LHFPL6: variants seen among roughly 807,000 people sequenced by gnomAD.
The protein encoded by LHFPL6 is LHFPL tetraspan subfamily member 6 protein.
LHFPL6 carries 9 observed loss-of-function variants against 20.6 expected under a neutral mutation model. The observed-to-expected ratio is 0.44, with a 90% CI of 0.26 to 0.76. The LOEUF is 0.76. Ranked by LOEUF, LHFPL6 falls within the 30% of genes least tolerant of loss-of-function variation. The probability of loss-of-function intolerance (pLI) is 0.20; values close to 1 mark genes in which losing one functional copy is unlikely to be tolerated. For synonymous variants in LHFPL6, 105 were observed against 98.7 expected (o/e 1.06, Z -0.38); for missense variants, 218 against 253.5 (o/e 0.86, Z 0.95).
chr13:39,535,374 A>C (rs1048077214), intron 2 of LHFPL6, among the ~76,000 whole-genome samples: 1 of 152,230 alleles, frequency 6.6e-6, no homozygotes, highest in Non-Finnish European at 1.5e-5. Context: ...AACACAGCAG[A>C]GTGGCTGGGT....
At chr13:39,567,726 T>C (rs939781561) in intron 2 of LHFPL6, among the ~76,000 whole-genome samples, 2 of 152,258 alleles carry the variant, frequency 1.3e-5, no homozygotes, top group Non-Finnish European at 2.9e-5. Flanking sequence ...GGGCATAGTT[T>C]CCTACTCTTT....
At chr13:39,503,924 A>T (rs1869381639) in intron 2 of LHFPL6, among the ~76,000 whole-genome samples, 1 of 152,210 alleles carries the variant, frequency 6.6e-6, no homozygotes. Flanking sequence ...GAAGAGTCTA[A>T]CAATTAAACA....
chr13:39,513,294 T>G (rs1869788495), intron 2 of LHFPL6, among the ~76,000 whole-genome samples: 1 of 152,214 alleles, frequency 6.6e-6, no homozygotes, highest in African/African-American at 2.4e-5. Context: ...TTACATGGGA[T>G]TCTGACCTAA....
intron 3 of LHFPL6, among the ~76,000 whole-genome samples, chr13:39,359,480 A>AT (rs1184208466): frequency 6.6e-6 from 1 of 152,124 alleles, no homozygotes; most frequent in Non-Finnish European, 1.5e-5. Flanking sequence ...CTACATGGCC[A>AT]TAAAAAAAAT....
intron 2 of LHFPL6, among the ~76,000 whole-genome samples, chr13:39,400,258 T>G (rs1383463821): frequency 6.6e-6 from 1 of 152,190 alleles, no homozygotes; most frequent in Non-Finnish European, 1.5e-5. Context: ...CTGTTGATAC[T>G]AACTTGGAAA....
At chr13:39,487,800 C>G (rs1868776100) in intron 2 of LHFPL6, among the ~76,000 whole-genome samples, 1 of 152,118 alleles carries the variant, frequency 6.6e-6, no homozygotes, top group Non-Finnish European at 1.5e-5. Flanking sequence ...AATCCCAGCA[C>G]TTTGGGAGGC....
intron 2 of LHFPL6, among the ~76,000 whole-genome samples, chr13:39,407,799 TTTC>T (rs1871150460): frequency 6.6e-6 from 1 of 152,262 alleles, no homozygotes; most frequent in East Asian, 1.9e-4. Flanking sequence ...TGTCAACTTT[TTTC>T]TTCAAGAACC....
At chr13:39,521,871 G>C (rs976258045) in intron 2 of LHFPL6, among the ~76,000 whole-genome samples, 8 of 152,100 alleles carry the variant, frequency 5.3e-5, no homozygotes, top group African/African-American at 1.9e-4. Context: ...AGCAAAAAGA[G>C]AGCTTGTGAC....
intron 2 of LHFPL6, among the ~76,000 whole-genome samples, chr13:39,599,951 A>G (rs1872881059): frequency 6.6e-6 from 1 of 152,232 alleles, no homozygotes; most frequent in Non-Finnish European, 1.5e-5. Context: ...TTCACTCTGC[A>G]CTATCTATGG....
chr13:39,538,850 T>G (rs987044019), intron 2 of LHFPL6, among the ~76,000 whole-genome samples: 1 of 152,256 alleles, frequency 6.6e-6, no homozygotes, highest in African/African-American at 2.4e-5. Flanking sequence ...CAATTTACAC[T>G]AAAATATCTT....
In LHFPL6 at chr13:39,343,895, T is replaced by G. The variant is rs200586803; in HGVS notation, c.*41A>C. On this transcript the variant is annotated 3_prime_UTR_variant, in exon 4 of 4. Coordinates refer to ENST00000379589, the MANE Select transcript of LHFPL6 (RefSeq NM_005780.3). The stretch of plus-strand genomic sequence containing the variant: ...GATGTTTTGACCTCTCCAAGCCCCT[T>G]TGGCCCATCTTCTCCTCTGTCTGCT... 6.6e-7 allele frequency: 1 copy of G among 1,525,730 alleles called. No individual in the cohort carries two copies. The highest frequency in any genetic ancestry group is 9.1e-7 in the Non-Finnish European group (1 of 1,101,864). 94.5% of individuals were successfully genotyped at this position (1,525,730 alleles called of 1,614,324 possible).
chr13:39,457,610 TG>T (rs1163585753), intron 2 of LHFPL6, among the ~76,000 whole-genome samples: 2 of 152,214 alleles, frequency 1.3e-5, no homozygotes, highest in Admixed American at 6.5e-5. Flanking sequence ...CATATGACTC[TG>T]CAATCTATTC....
At chr13:39,444,623 T>G (rs944716563) in intron 2 of LHFPL6, among the ~76,000 whole-genome samples, 2 of 152,126 alleles carry the variant, frequency 1.3e-5, no homozygotes, top group Non-Finnish European at 2.9e-5. Context: ...TGAGCTGAGG[T>G]GTGGCTTCAC....
intron 2 of LHFPL6, among the ~76,000 whole-genome samples, chr13:39,481,187 T>C (rs1367024416): frequency 1.3e-5 from 2 of 152,162 alleles, no homozygotes; most frequent in Admixed American, 1.3e-4. Context: ...ATGATGGTAA[T>C]TGAAAAAACA....
At chr13:39,427,079 C>G (rs966104200) in intron 2 of LHFPL6, among the ~76,000 whole-genome samples, 1 of 151,414 alleles carries the variant, frequency 6.6e-6, no homozygotes, top group Non-Finnish European at 1.5e-5. Context: ...AAAGCTTGCC[C>G]TATATGTGCT....
At chr13:39,564,373 TG>T (rs1871645349) in intron 2 of LHFPL6, among the ~76,000 whole-genome samples, 3 of 152,210 alleles carry the variant, frequency 2.0e-5, no homozygotes, top group African/African-American at 7.2e-5. Context: ...TAAATATGTA[TG>T]TGCTCTCTAT....
At position 39,547,806 on chromosome 13, in the gene LHFPL6, A is replaced by G. The variant is rs141329564; in HGVS notation, c.385+53026T>C. On this transcript the variant is annotated intron_variant, in intron 2 of 3. Transcript: ENST00000379589. ...TTTTCCTTATAATAATTTTCATAAT[A>G]TTGTAAGGAATGAAGTGTTATTCTG... Among the ~76,000 whole-genome samples, 457 of 152,154 alleles carry G rather than the reference A, an allele frequency of 3.0e-3. 3 individuals are homozygous for G. Among genetic ancestry groups the G allele is most frequent in the Admixed American group, 4.2e-3 (64 of 15,290 alleles).
At chr13:39,476,328 C>A (rs1454407573) in intron 2 of LHFPL6, among the ~76,000 whole-genome samples, 1 of 152,110 alleles carries the variant, frequency 6.6e-6, no homozygotes, top group Non-Finnish European at 1.5e-5. Context: ...CCGCGCCCAG[C>A]CTGAAAACAT....
chr13:39,506,724 G>C (rs534389882), intron 2 of LHFPL6, among the ~76,000 whole-genome samples: 4 of 152,100 alleles, frequency 2.6e-5, no homozygotes, highest in South Asian at 2.1e-4. Context: ...ATAGGGAGGT[G>C]GGGGGGAAGG....
Sources: gnomAD v4.1 joint callset for allele counts (sites outside exome capture counted in the v4.1 genomes callset) on GRCh38, gnomAD v4.1.1 for gene constraint, MANE v1.5 for transcripts, NCBI Gene and HGNC (gene_info 2026-07-23, HGNC 2026-07-21) for gene names.